Variants in COL6A3 observed in about 807,000 individuals in gnomAD.
COL6A3 encodes collagen alpha-3(VI) chain.
A neutral mutation model predicts 274.1 loss-of-function variants in COL6A3; 137 were observed. The observed-to-expected ratio is 0.50, with a 90% CI of 0.44 to 0.58. The LOEUF is 0.58. COL6A3 is among the 20% of genes least tolerant of loss of function. The pLI, the probability that COL6A3 is intolerant of heterozygous loss-of-function variation, is 0.00. For missense variants in COL6A3, 3,950 were observed against 4,124.9 expected (o/e 0.96, Z 1.16); for synonymous variants, 1,650 against 1,650.6 (o/e 1.00, Z 0.01).
chr2:237,348,241 G>A lies in COL6A3; in HGVS notation c.6966+108C>T, dbSNP rs190019079. 4.2e-6 allele frequency: 4 copies of A among 963,454 alleles called. No individual in the cohort carries two copies. The African/African-American group carries it at 4.9e-5, about 12-fold the overall frequency. 59.7% of individuals were successfully genotyped at this position (963,454 alleles called of 1,614,324 possible). ...CTTTCTCAGGGTAGCCCAGTTAACT[G>A]AGTGGCTGACCCAAGACTAATGCCA... On this transcript the variant is annotated intron_variant, in intron 30 of 43. Transcript: ENST00000295550.
rs1416907637 is a variant in COL6A3, at chr2:237,377,067, C to A, written c.2775G>T (p.Arg925Ser). 1.1e-5 allele frequency: 17 copies of A among 1,614,088 alleles called. No homozygotes were observed. The highest frequency in any genetic ancestry group is 1.4e-5 in the Non-Finnish European group (17 of 1,180,042). Residue 925 changes from arginine (R) to serine (S), a missense_variant, in exon 7 of 44, where the codon AGG becomes AGT. By Grantham distance (110) the Arg-to-Ser change is moderately radical. Transcript: ENST00000295550. ...TGCCAGCAGACTTCACAAAAATGTA[C>A]CTCTGTGCATAGTCCAGCGCGTAGC... ...NLGYALDYAQ[R>S]YIFVKSAGSR...
In COL6A3 at chr2:237,377,048, C is replaced by G. The variant is rs112827048; in HGVS notation, c.2794G>C (p.Ala932Pro). The G allele has an allele frequency of 6.2e-7, 1 of 1,614,200 alleles. No individual in the cohort carries two copies. Among genetic ancestry groups the G allele is most frequent in the African/African-American group, 1.3e-5 (1 of 75,042 alleles). ...YAQRYIFVKSAGSRIEDGVLQ... is the reference protein window; with the variant it reads ...YAQRYIFVKSPGSRIEDGVLQ... ...ACTCCATCCTCGATCCGGCTGCCAG[C>G]AGACTTCACAAAAATGTACCTCTGT... Residue 932 changes from alanine (A) to proline (P), a missense_variant, in exon 7 of 44, where the codon GCT becomes CCT. Physicochemically the swap from Ala to Pro is conservative, Grantham distance 27. This residue lies in a region of COL6A3 where 1,934 missense variants were observed against 1,984.3 expected (regional missense o/e 0.97). Transcript: ENST00000295550.
Position 237,372,137 on chromosome 2 carries a change from C to G in COL6A3, c.3880G>C (p.Glu1294Gln). Reference sequence around the variant, plus strand: ...AGCCGCTGCACCGCGTTCTGCACTTCATCCTTGCTGGAATGGGCGTTCAGC... The same window carrying G: ...AGCCGCTGCACCGCGTTCTGCACTTGATCCTTGCTGGAATGGGCGTTCAGC... ...FLLNAHSSKD[E>Q]VQNAVQRLRP... is the part of the protein sequence containing the mutation. The change falls in exon 9 of 44, where the codon GAA becomes CAA. Residue 1294 changes from glutamate to glutamine, a missense_variant. Coordinates refer to ENST00000295550, the MANE Select transcript of COL6A3 (RefSeq NM_004369.4). 6.2e-7 allele frequency: 1 copy of G among 1,614,148 alleles called. No homozygotes were observed. Among genetic ancestry groups the G allele is most frequent in the East Asian group, 2.2e-5 (1 of 44,874 alleles).
chr2:237,325,877 C>A (rs1215522207), intron 42 of COL6A3, 153 bp from the exon 43 acceptor site: 1 of 623,050 alleles, frequency 1.6e-6, no homozygotes, highest in African/African-American at 1.8e-5. Flanking sequence ...CTCAAATCTC[C>A]ATTTCCTCAC....
At chr2:237,327,655 C>T (rs1162432015) in intron 42 of COL6A3, 2 of 151,990 alleles carry the variant, frequency 1.3e-5, no homozygotes, top group African/African-American at 4.8e-5. Context: ...AGGTGAGAAC[C>T]CGGCACTATT....
Position 237,400,567 on chromosome 2 carries a change from A to G in COL6A3, c.-30-3720T>C, listed in dbSNP as rs2078564818. 2.0e-5 allele frequency among the ~76,000 whole-genome samples: 3 copies of G among 152,240 alleles called. 1 individual carries two copies. The South Asian group carries it at 6.2e-4, about 32-fold the overall frequency. ...AGACTGAATCATGAAGCAATAAAAA[A>G]AATTCTGAACAGACTTAAAATTAGT... On this transcript the variant is annotated intron_variant, in intron 1 of 43. Transcript: ENST00000295550.
At chr2:237,326,185 T>G (rs916810365) in intron 42 of COL6A3, 4 of 160,480 alleles carry the variant, frequency 2.5e-5, no homozygotes, top group African/African-American at 9.6e-5. Context: ...GCTCTACCTT[T>G]CATTACAAGC....
rs1277468278 is a variant in COL6A3 at position 237,364,299 on chromosome 2, C to G, written c.5917+51G>C. 2 of 1,429,086 alleles carry G rather than the reference C, an allele frequency of 1.4e-6. No individual in the cohort carries two copies. Among genetic ancestry groups the G allele is most frequent in the Non-Finnish European group, 2.0e-6 (2 of 1,014,042 alleles). The allele number at this position is 1,429,086 out of a possible 1,614,324, so 88.5% of individuals were successfully genotyped here. The stretch of plus-strand genomic sequence containing the variant: ...GGTTTCTCTCCAGCAGAGCAGTACA[C>G]CCCGCCTCACCAGGGTTTACTTCTC... On this transcript the variant is annotated intron_variant, in intron 13 of 43. Transcript: ENST00000295550. This position sits in a 1 kb window ranked among gnomAD's most constrained non-coding sequence, Gnocchi z 4.6.
chr2:237,363,174 A>C, intron 14 of COL6A3, 79 bp downstream of exon 14: 1 of 1,380,324 alleles, frequency 7.2e-7, no homozygotes, highest in South Asian at 1.2e-5. Flanking sequence ...ACCTGCTGAT[A>C]ATTAACTTCA....
chr2:237,352,646 A>G (rs2077232059), intron 25 of COL6A3, 62 bp from the exon 26 acceptor site: 3 of 1,483,650 alleles, frequency 2.0e-6, no homozygotes, highest in Non-Finnish European at 2.8e-6. Context: ...AAGCCTCTGC[A>G]TGGCATCTGC....
intron 14 of COL6A3, among the ~76,000 whole-genome samples, chr2:237,362,247 C>T (rs535887355): frequency 1.3e-5 from 2 of 152,244 alleles, no homozygotes; most frequent in African/African-American, 4.8e-5. Flanking sequence ...TATCCATGAC[C>T]ACCCTTCCTT....
At chr2:237,339,532 A>G (rs2076941487) in intron 38 of COL6A3, among the ~76,000 whole-genome samples, 1 of 152,202 alleles carries the variant, frequency 6.6e-6, no homozygotes, top group Non-Finnish European at 1.5e-5. Context: ...AGGAACAGTG[A>G]CCTGTGGGTG....
At chr2:237,357,504 G>T in intron 22 of COL6A3, 113 bp from the exon 23 acceptor site, 1 of 993,484 alleles carries the variant, frequency 1.0e-6, no homozygotes, top group Non-Finnish European at 1.6e-6. Context: ...GGAAGAGCCC[G>T]TCTGCAGGAC....
At position 237,364,349 on chromosome 2, in the gene COL6A3, C is replaced by G; in HGVS notation, c.5917+1G>C. 2 of 1,613,336 alleles carry G rather than the reference C, an allele frequency of 1.2e-6. No individual in the cohort carries two copies. The highest frequency in any genetic ancestry group is 1.7e-6 in the Non-Finnish European group (2 of 1,179,412). ...CATATTTAGAAAGCCTTGGCACCTA[C>G]CTTCTTGGCGGAGGTTCTCAGATGC... is the stretch of plus-strand genomic sequence containing the variant. On this transcript the variant is annotated splice_donor_variant, in intron 13 of 43. Coordinates refer to ENST00000295550, the MANE Select transcript of COL6A3 (RefSeq NM_004369.4). LOFTEE classifies it high-confidence loss of function. This position sits in a 1 kb window ranked among gnomAD's most constrained non-coding sequence, Gnocchi z 4.6.
At chr2:237,375,053 G>A (rs746833736) in intron 7 of COL6A3, 33 bp from the exon 8 acceptor site, 2 of 1,611,566 alleles carry the variant, frequency 1.2e-6, no homozygotes, top group Non-Finnish European at 1.7e-6. Context: ...ACTCACACAG[G>A]ACATCAGAGC....
rs775641801 is a variant in COL6A3, at chr2:237,360,136, C to T, written c.6234G>A (p.Val2078=). Residue 2078 remains valine, a synonymous_variant, in exon 17 of 44, where the codon GTG becomes GTA. Transcript: ENST00000295550. ...AGCCCTGGAAACCTTGAGTGCCGTT[C>T]ACACCAGGCGGACCACGCTCACCCT... is the stretch of plus-strand genomic sequence containing the variant. ...GGPGERGPPG[V]NGTQGFQGCP... is the part of the protein sequence containing the mutation. 6 of 1,614,182 alleles carry T rather than the reference C, an allele frequency of 3.7e-6. No homozygotes were observed. The East Asian group carries it at 1.3e-4, about 36-fold the overall frequency.
In COL6A3 at chr2:237,334,706, G is replaced by A; in HGVS notation, c.9149C>T (p.Ala3050Val). Residue 3050 changes from alanine to valine, a missense_variant, in exon 41 of 44, where the codon GCT becomes GTT. Transcript: ENST00000295550. ...VTDRVIGGLLAGQTYHVAVVC... is the reference protein window; with the variant it reads ...VTDRVIGGLLVGQTYHVAVVC... ...CACAGCCACATGGTATGTCTGCCCA[G>A]CGAGCAGGCCTCCAATGACGCGGTC... 2 of 1,614,012 alleles carry A rather than the reference G, an allele frequency of 1.2e-6. No individual in the cohort carries two copies. Among genetic ancestry groups the A allele is most frequent in the South Asian group, 2.2e-5 (2 of 91,070 alleles).
Position 237,333,479 on chromosome 2 carries a change from C to T in COL6A3, c.9299G>A (p.Ser3100Asn). ...TTCAGTGAGAGCCAATGGTTCTGTG[C>T]TCACCATTAGATTGATGGTTGAACT... ...ASSSTINLMVSTEPLALTETD... is the reference protein window; with the variant it reads ...ASSSTINLMVNTEPLALTETD... Residue 3100 changes from serine (S) to asparagine (N), a missense_variant, in exon 42 of 44, where the codon AGC becomes AAC. Physicochemically the swap from Ser to Asn is conservative, Grantham distance 46. Transcript: ENST00000295550. The T allele has an allele frequency of 6.2e-7, 1 of 1,614,152 alleles. No individual in the cohort carries two copies. The highest frequency in any genetic ancestry group is 1.7e-4 in the Middle Eastern group (1 of 6,060).
At position 237,394,860 on chromosome 2, in the gene COL6A3, T is replaced by C. The variant is rs2078390679; in HGVS notation, c.436A>G (p.Ile146Val). The change falls in exon 3 of 44, where the codon ATC (isoleucine) becomes GTC (valine). Residue 146 changes from isoleucine to valine, a missense_variant. Ile to Val is a conservative substitution (Grantham distance 29, BLOSUM62 3). Around this residue, in one of 5 missense-constraint regions of COL6A3, gnomAD observed 1,934 missense variants for 1,984.3 expected, o/e 0.97. Coordinates refer to ENST00000295550, the MANE Select transcript of COL6A3 (RefSeq NM_004369.4). ...SRAGDGVPQV[I>V]VVLTDGHSKD... ...GAGTGTCCATCAGTTAACACTACGA[T>C]AACCTGAGGGACTCCGTCACCGGCC... is the stretch of plus-strand genomic sequence containing the variant. 2 of 1,613,344 alleles carry C rather than the reference T, an allele frequency of 1.2e-6. No homozygotes were observed. Among genetic ancestry groups the C allele is most frequent in the Non-Finnish European group, 1.7e-6 (2 of 1,179,306 alleles).
Sources: gnomAD v4.1 joint callset for allele counts (sites outside exome capture counted in the v4.1 genomes callset) on GRCh38, gnomAD v4.1.1 for gene constraint, gnomAD v4.1.1 regional missense constraint, Gnocchi (gnomAD v3.1) non-coding constraint, MANE v1.5 for transcripts, NCBI Gene and HGNC (gene_info 2026-07-23, HGNC 2026-07-21) for gene names.